ATAT1: variants seen among roughly 807,000 people sequenced by gnomAD.
The protein encoded by ATAT1 is alpha-tubulin N-acetyltransferase 1.
Under a neutral mutation model 57.2 loss-of-function variants are expected in ATAT1, and 42 were observed. The ratio of observed to expected loss-of-function variants is 0.73; its 90% confidence interval spans 0.57 to 0.95. The LOEUF (loss-of-function observed/expected upper bound fraction) is 0.95. Ranked by LOEUF, ATAT1 falls within the 40% of genes least tolerant of loss-of-function variation. The pLI is 0.00. For missense variants in ATAT1, 454 were observed against 523.7 expected, an observed-to-expected ratio of 0.87 and a Z score of 1.30; for synonymous variants, 168 against 187.1, an observed-to-expected ratio of 0.90 and a Z score of 0.83.
intron 8 of ATAT1, 188 bp from the exon 9 acceptor site, chr6:30,641,987 CA>C: frequency 6.9e-7 from 1 of 1,449,522 alleles, no homozygotes; most frequent in Admixed American, 2.6e-5. Context: ...CTTTCCTCAA[CA>C]GTGTTCCACA....
chr6:30,628,453 T>A, intron 6 of ATAT1, 23 bp downstream of exon 6: 5 of 1,552,882 alleles, frequency 3.2e-6, no homozygotes, highest in Non-Finnish European at 4.4e-6. Flanking sequence ...AGAGAATAGA[T>A]CCCCACTGAG....
intron 6 of ATAT1, among the ~76,000 whole-genome samples, chr6:30,634,435 G>C (rs1763573343): frequency 6.6e-6 from 1 of 151,352 alleles, no homozygotes; most frequent in African/African-American, 2.4e-5. Flanking sequence ...ATTTTTAGCA[G>C]AGACAGGCTT....
rs894535097 is a variant in ATAT1 at position 30,641,954 on chromosome 6, T to C, written c.617-222T>C. 5.8e-6 allele frequency: 8 copies of C among 1,386,490 alleles called. No homozygotes were observed. In the African/African-American group the frequency reaches 1.2e-4, roughly 20 times the overall value. The allele number at this position is 1,386,490 out of a possible 1,614,324, so 85.9% of individuals were successfully genotyped here. On this transcript the variant is annotated intron_variant, in intron 8 of 12. Coordinates refer to ENST00000330083, the MANE Select transcript of ATAT1 (RefSeq NM_001031722.4). ...CCCCTTCGATCTTTCTCCCTAGCTC[T>C]GTGTTTGGCCTACTCCTTCTGGCTT...
chr6:30,628,614 T>C (rs1196502221), intron 6 of ATAT1, among the ~76,000 whole-genome samples, 184 bp downstream of exon 6: 1 of 152,134 alleles, frequency 6.6e-6, no homozygotes, highest in African/African-American at 2.4e-5. Context: ...TATTTTGATT[T>C]TTTTTTTTGA....
chr6:30,637,303 A>G (rs1764316996), intron 6 of ATAT1, among the ~76,000 whole-genome samples: 1 of 152,164 alleles, frequency 6.6e-6, no homozygotes, highest in Non-Finnish European at 1.5e-5. Context: ...GACTTAACCA[A>G]ATTCACACAG....
At chr6:30,629,427 A>G (rs143898431) in intron 6 of ATAT1, among the ~76,000 whole-genome samples, 1,541 of 151,900 alleles carry the variant, frequency 0.01, 20 homozygotes, top group African/African-American at 0.027. Context: ...TATTTTTAGT[A>G]GAGATGGAGT....
Position 30,646,534 on chromosome 6 carries a change from C to T in ATAT1, c.1121C>T (p.Pro374Leu). 1 of 1,591,646 alleles carries T rather than the reference C, an allele frequency of 6.3e-7. No individual in the cohort carries two copies. The highest frequency in any genetic ancestry group is 8.6e-7 in the Non-Finnish European group (1 of 1,169,406). ...GGGGAGAAGCCCATGCACACAGCTC[C>T]TCCACAGGCCCCGGCCCCGCCAGCC... The change falls in exon 13 of 13, where the codon CCT (proline) becomes CTT (leucine). Residue 374 changes from proline (P) to leucine (L), a missense_variant. Pro to Leu is a moderately conservative substitution (Grantham distance 98). This residue lies in a region of ATAT1 where 216 missense variants were observed against 222.2 expected (regional missense o/e 0.97). Coordinates refer to ENST00000330083, the MANE Select transcript of ATAT1 (RefSeq NM_001031722.4).
intron 6 of ATAT1, among the ~76,000 whole-genome samples, chr6:30,636,796 GCA>G (rs1414838687): frequency 6.6e-6 from 1 of 150,980 alleles, no homozygotes; most frequent in Non-Finnish European, 1.5e-5. Flanking sequence ...AGTGGAAGGA[GCA>G]CAGTTTTTTT....
In ATAT1 at chr6:30,646,681, C is replaced by T. The variant is rs754873323; in HGVS notation, c.*38C>T. On this transcript the variant is annotated 3_prime_UTR_variant, in exon 13 of 13. Coordinates refer to ENST00000330083, the MANE Select transcript of ATAT1 (RefSeq NM_001031722.4). ...CAAACATCTTCAAAGTATTATTTCTCCCTCACTACAGGAAAGAGCCAAAGC... is the reference window on the plus strand; with the variant it reads ...CAAACATCTTCAAAGTATTATTTCTTCCTCACTACAGGAAAGAGCCAAAGC... 3.3e-6 allele frequency: 5 copies of T among 1,504,082 alleles called. No individual in the cohort carries two copies. The highest frequency in any genetic ancestry group is 4.5e-6 in the Non-Finnish European group (5 of 1,119,834). 93.2% of individuals were successfully genotyped at this position (1,504,082 alleles called of 1,614,324 possible).
chr6:30,640,583 C>T lies in ATAT1; in HGVS notation c.596C>T (p.Ala199Val), dbSNP rs1269299846. 1.2e-6 allele frequency: 2 copies of T among 1,612,992 alleles called. No individual in the cohort carries two copies. Among genetic ancestry groups the T allele is most frequent in the Admixed American group, 1.7e-5 (1 of 60,020 alleles). Residue 199 changes from alanine to valine, a missense_variant, in exon 8 of 13, where the codon GCA becomes GTA. This residue lies in a region of ATAT1 where 236 missense variants were observed against 284.5 expected (regional missense o/e 0.83). Transcript: ENST00000330083. ...GCAACTCGACACTCTCGTGCTGCTG[C>T]AGTCGATCCCACGCCCGCTGGTAAA...
chr6:30,642,144 G>A (rs187647800), intron 8 of ATAT1, 32 bp from the exon 9 acceptor site: 45 of 1,613,860 alleles, frequency 2.8e-5, no homozygotes, highest in African/African-American at 1.1e-4. Flanking sequence ...GTCTCCTAAC[G>A]CTTACCCTGC....
At position 30,645,778 on chromosome 6, in the gene ATAT1, T is replaced by C. The variant is rs997210426; in HGVS notation, c.933-117T>C. 9.9e-6 allele frequency: 7 copies of C among 708,400 alleles called. No homozygotes were observed. In the Admixed American group the frequency reaches 2.2e-4, roughly 22 times the overall value. 43.9% of individuals were successfully genotyped at this position (708,400 alleles called of 1,614,324 possible). A position where few individuals can be genotyped will look rare whatever the true frequency, so the allele number is the denominator to read the frequency against. On this transcript the variant is annotated intron_variant, in intron 10 of 12. Coordinates refer to ENST00000330083, the MANE Select transcript of ATAT1 (RefSeq NM_001031722.4). ...GATTAAAACCTGTTAGGAATGATAATTACCCCCTTCTCTTTGTTCCTGTGC... is the reference window on the plus strand; with the variant it reads ...GATTAAAACCTGTTAGGAATGATAACTACCCCCTTCTCTTTGTTCCTGTGC...
intron 9 of ATAT1, 52 bp downstream of exon 9, chr6:30,642,299 G>A: frequency 6.2e-7 from 1 of 1,609,800 alleles, no homozygotes; most frequent in South Asian, 1.1e-5. Flanking sequence ...TAACACAAGG[G>A]AAGAGAATGC....
intron 2 of ATAT1, 21 bp from the exon 3 acceptor site, chr6:30,627,615 C>CT: frequency 6.2e-7 from 1 of 1,611,870 alleles, no homozygotes; most frequent in Non-Finnish European, 8.5e-7. Flanking sequence ...TGCAGAAAGT[C>CT]TGACTTAATC....
intron 6 of ATAT1, among the ~76,000 whole-genome samples, chr6:30,639,884 A>C (rs1347975755): frequency 1.3e-5 from 2 of 152,084 alleles, no homozygotes; most frequent in African/African-American, 4.8e-5. Context: ...CTATAATCCC[A>C]GGACTTTTGG....
intron 6 of ATAT1, chr6:30,633,719 A>G: frequency 4.7e-6 from 1 of 212,694 alleles, no homozygotes; most frequent in East Asian, 1.2e-4. Context: ...AGTGGAAGAG[A>G]CGCCCATGCT....
In ATAT1 at chr6:30,631,104, G is replaced by A. The variant is rs187890613; in HGVS notation, c.501+2674G>A. 2.2e-3 allele frequency among the ~76,000 whole-genome samples: 331 copies of A among 152,278 alleles called. 5 individuals are homozygous for A. Among genetic ancestry groups the A allele is most frequent in the Non-Finnish European group, 3.2e-3 (221 of 68,030 alleles). On this transcript the variant is annotated intron_variant, in intron 6 of 12. Transcript: ENST00000330083. ...TAAGGGTTTGGGAGTACTCAAGTAA[G>A]GTGGGGATGGGAGTATGTGGGATTG...
intron 10 of ATAT1, 47 bp downstream of exon 10, chr6:30,643,058 A>G: frequency 1.3e-6 from 2 of 1,549,512 alleles, no homozygotes; most frequent in Non-Finnish European, 1.7e-6. Flanking sequence ...ATAAAAGAGG[A>G]TGTTAGAAAT....
In ATAT1 at chr6:30,646,746, C is replaced by T; in HGVS notation, c.*103C>T. 3.6e-6 allele frequency: 5 copies of T among 1,381,984 alleles called. No individual in the cohort carries two copies. The highest frequency in any genetic ancestry group is 4.8e-6 in the Non-Finnish European group (5 of 1,049,420). 85.6% of individuals were successfully genotyped at this position (1,381,984 alleles called of 1,614,324 possible). On this transcript the variant is annotated 3_prime_UTR_variant, in exon 13 of 13. Transcript: ENST00000330083. ...AGATGGATACATTCATTCATTCATT[C>T]ATTCAGCAGGCTTATCAGATTCAAG...
Sources: allele counts gnomAD v4.1 joint callset (sites outside exome capture counted in the v4.1 genomes callset), GRCh38; gene constraint gnomAD v4.1.1; regional missense constraint gnomAD v4.1.1; transcripts MANE v1.5; gene names NCBI Gene and HGNC (gene_info 2026-07-23, HGNC 2026-07-21).